CSMD1: variants seen among roughly 807,000 people sequenced by gnomAD.
CSMD1 encodes the protein CUB and Sushi multiple domains 1.
A neutral mutation model predicts 417.5 loss-of-function variants in CSMD1; 213 were observed. The ratio of observed to expected loss-of-function variants is 0.51; its 90% CI spans 0.46 to 0.57. CSMD1 has a LOEUF of 0.57. Among genes scored for constraint, CSMD1 ranks in the 20% least tolerant of loss-of-function variants. CSMD1 has a pLI of 0.00. For synonymous variants in CSMD1, 2,862 were observed against 1,736.8 expected, an observed-to-expected ratio of 1.65 and a Z score of -16.11; for missense variants, 6,923 against 4,529.7, an observed-to-expected ratio of 1.53 and a Z score of -15.17.
rs553261353 is a variant in CSMD1 at position 3,397,918 on chromosome 8, T to C, written c.2405+1473A>G. Among the ~76,000 whole-genome samples, 124 of 152,338 alleles carry C rather than the reference T, an allele frequency of 8.1e-4. 1 individual carries two copies. The highest frequency in any genetic ancestry group is 1.4e-3 in the Non-Finnish European group (94 of 68,030). On this transcript the variant is annotated intron_variant, in intron 16 of 69. Coordinates refer to ENST00000635120, the MANE Select transcript of CSMD1 (RefSeq NM_033225.6). ...TAAGGTGTCAGCCCATCGGTCATGG[T>C]GGAAATGAACATTTCCTTATGCAAT...
intron 7 of CSMD1, among the ~76,000 whole-genome samples, chr8:3,699,616 A>C (rs1800736748): frequency 6.6e-6 from 1 of 152,158 alleles, no homozygotes; most frequent in Non-Finnish European, 1.5e-5. Flanking sequence ...TTACTCAATC[A>C]TCAGTAAATG....
intron 5 of CSMD1, among the ~76,000 whole-genome samples, chr8:3,958,064 T>C (rs2129951626): frequency 6.6e-6 from 1 of 152,350 alleles, no homozygotes; most frequent in South Asian, 2.1e-4. Context: ...ATACTGTTCA[T>C]GTGCTATCTT....
intron 5 of CSMD1, among the ~76,000 whole-genome samples, chr8:3,868,988 C>T (rs1460073065): frequency 6.6e-6 from 1 of 152,192 alleles, no homozygotes. Context: ...TCAGATGATG[C>T]CGATGGCTTT....
At chr8:4,269,424 T>C (rs948466229) in intron 3 of CSMD1, among the ~76,000 whole-genome samples, 7 of 152,198 alleles carry the variant, frequency 4.6e-5, no homozygotes, top group Non-Finnish European at 1.0e-4. Flanking sequence ...GCTTTTGATA[T>C]TGAGAATTTT....
intron 8 of CSMD1, among the ~76,000 whole-genome samples, chr8:3,602,694 C>T (rs1320128479): frequency 6.7e-6 from 1 of 149,652 alleles, no homozygotes; most frequent in Admixed American, 6.8e-5. Context: ...CCTATTTCAA[C>T]CCATTCTTTT....
At chr8:4,462,223 A>G (rs1014147913) in intron 2 of CSMD1, among the ~76,000 whole-genome samples, 3 of 152,182 alleles carry the variant, frequency 2.0e-5, no homozygotes, top group Non-Finnish European at 4.4e-5. Flanking sequence ...TGAACATGAA[A>G]TTTAAAAAGA....
At position 3,682,282 on chromosome 8, in the gene CSMD1, A is replaced by C. The variant is rs1015952962; in HGVS notation, c.1009+26132T>G. 1.2e-4 allele frequency among the ~76,000 whole-genome samples: 19 copies of C among 152,186 alleles called. 1 individual carries two copies. The highest frequency in any genetic ancestry group is 1.1e-3 in the Admixed American group (17 of 15,276). On this transcript the variant is annotated intron_variant, in intron 7 of 69. Coordinates refer to ENST00000635120, the MANE Select transcript of CSMD1 (RefSeq NM_033225.6). ...CTAAAAAATGGGATAAAATTTTTGC[A>C]ATCTACTCATCTGACAAAGGGCTAA...
intron 3 of CSMD1, among the ~76,000 whole-genome samples, chr8:4,276,238 T>C (rs1292038462): frequency 6.6e-6 from 1 of 152,148 alleles, no homozygotes; most frequent in Non-Finnish European, 1.5e-5. Flanking sequence ...CCATCAACGA[T>C]AGACTGAATT....
chr8:3,290,843 C>T (rs534830197), intron 25 of CSMD1, among the ~76,000 whole-genome samples: 1 of 150,778 alleles, frequency 6.6e-6, no homozygotes. Flanking sequence ...ATTGCCCTGG[C>T]CGGAACTTCC....
At chr8:4,585,117 A>T (rs1233119673) in intron 2 of CSMD1, among the ~76,000 whole-genome samples, 1 of 152,082 alleles carries the variant, frequency 6.6e-6, no homozygotes, top group Admixed American at 6.5e-5. Context: ...AAAAAGTACA[A>T]TAGAAAGAGA....
rs1809687316 is a variant in CSMD1 at position 3,024,295 on chromosome 8, T to G, written c.7855+5024A>C. On this transcript the variant is annotated intron_variant, in intron 51 of 69. Coordinates refer to ENST00000635120, the MANE Select transcript of CSMD1 (RefSeq NM_033225.6). The stretch of plus-strand genomic sequence containing the variant: ...TAATGTTTACATTTTGAGGTTTTTT[T>G]TGGGGGGGGAGGGCAGTGGGGGAGG... Among the ~76,000 whole-genome samples, 15 of 131,628 alleles carry G rather than the reference T, an allele frequency of 1.1e-4. No individual in the cohort carries two copies. In the South Asian group the frequency reaches 3.8e-3, roughly 33 times the overall value. The allele number at this position is 131,628 out of a possible 152,430, so 86.4% of individuals were successfully genotyped here.
At position 3,170,104 on chromosome 8, in the gene CSMD1, C is replaced by T. The variant is rs1003150527; in HGVS notation, c.5726-7827G>A. 5.9e-5 allele frequency among the ~76,000 whole-genome samples: 9 copies of T among 152,372 alleles called. No individual in the cohort carries two copies. In the East Asian group the frequency reaches 1.7e-3, roughly 29 times the overall value. ...TTTGCGGCGCTGCTGTGGCAGCCAG[C>T]CCTGCTAGAAGCACCCTTCTGCGCA... On this transcript the variant is annotated intron_variant, in intron 37 of 69. Coordinates refer to ENST00000635120, the MANE Select transcript of CSMD1 (RefSeq NM_033225.6).
At chr8:4,451,789 CACAA>C (rs1294660749) in intron 2 of CSMD1, among the ~76,000 whole-genome samples, 2 of 152,006 alleles carry the variant, frequency 1.3e-5, no homozygotes, top group Non-Finnish European at 2.9e-5. Context: ...GAGCAGGATC[CACAA>C]TGCCATCTTA....
At chr8:3,641,348 T>A (rs1238652233) in intron 7 of CSMD1, among the ~76,000 whole-genome samples, 1 of 152,132 alleles carries the variant, frequency 6.6e-6, no homozygotes, top group Non-Finnish European at 1.5e-5. Context: ...AATCCCCAAG[T>A]GGAGCCCTTC....
At position 3,376,745 on chromosome 8, in the gene CSMD1, C is replaced by A. The variant is rs538661523; in HGVS notation, c.2783-7375G>T. ...CTGAACTGATGCTATGCACCCAGCA[C>A]AGACACTGAGTTTATCGTGTTTCAT... On this transcript the variant is annotated intron_variant, in intron 18 of 69. Coordinates refer to ENST00000635120, the MANE Select transcript of CSMD1 (RefSeq NM_033225.6). 5.3e-5 allele frequency among the ~76,000 whole-genome samples: 8 copies of A among 152,126 alleles called. No homozygotes were observed. The South Asian group carries it at 1.5e-3, about 28-fold the overall frequency.
intron 7 of CSMD1, among the ~76,000 whole-genome samples, chr8:3,682,992 A>G (rs964227494): frequency 2.0e-5 from 3 of 152,148 alleles, no homozygotes; most frequent in Non-Finnish European, 4.4e-5. Flanking sequence ...TGGGAACTGA[A>G]CAATGAGAAC....
intron 2 of CSMD1, among the ~76,000 whole-genome samples, chr8:4,543,009 A>G (rs1657893654): frequency 6.6e-6 from 1 of 152,188 alleles, no homozygotes; most frequent in African/African-American, 2.4e-5. Flanking sequence ...TATATTTTAG[A>G]GTAGGTTTAA....
chr8:2,987,051 A>G (rs1438776545), intron 54 of CSMD1, among the ~76,000 whole-genome samples: 1 of 151,954 alleles, frequency 6.6e-6, no homozygotes, highest in Non-Finnish European at 1.5e-5. Context: ...ACTCAGCCCT[A>G]AGGCAAAGTT....
chr8:2,947,732 G>A (rs1430591578), intron 68 of CSMD1, among the ~76,000 whole-genome samples: 2 of 152,098 alleles, frequency 1.3e-5, no homozygotes, highest in Non-Finnish European at 2.9e-5. Flanking sequence ...ATAACTCCAG[G>A]ATTCGGCTTA....
Sources: gnomAD v4.1 joint callset for allele counts (sites outside exome capture counted in the v4.1 genomes callset) on GRCh38, gnomAD v4.1.1 for gene constraint, MANE v1.5 for transcripts, NCBI Gene and HGNC (gene_info 2026-07-23, HGNC 2026-07-21) for gene names.